Variants in NPAT observed in about 807,000 individuals in gnomAD.
The protein encoded by NPAT is nuclear protein, coactivator of histone transcription, also known as protein NPAT.
A neutral mutation model predicts 130.7 loss-of-function variants in NPAT; 52 were observed. That is an observed-to-expected ratio of 0.40 (90% CI 0.32 to 0.50). The LOEUF (loss-of-function observed/expected upper bound fraction) is 0.50. Among genes scored for constraint, NPAT ranks in the 20% least tolerant of loss-of-function variants. The pLI is 0.68. For synonymous variants in NPAT, 580 were observed against 584.8 expected (o/e 0.99, Z 0.12); for missense variants, 1,687 against 1,662.6 (o/e 1.01, Z -0.26).
At chr11:108,202,283 C>G (rs558029038) in intron 1 of NPAT, among the ~76,000 whole-genome samples, 32 of 152,122 alleles carry the variant, frequency 2.1e-4, no homozygotes, top group African/African-American at 7.7e-4. Flanking sequence ...TTGTAAAGGC[C>G]ACCAAAAGTG....
intron 11 of NPAT, 59 bp downstream of exon 11, chr11:108,176,935 G>T: frequency 9.0e-7 from 1 of 1,112,590 alleles, no homozygotes; most frequent in Admixed American, 1.7e-5. Context: ...CTCTGGTTAA[G>T]TTACCAAAGA....
At chr11:108,184,237 C>A (rs1018103052) in intron 10 of NPAT, among the ~76,000 whole-genome samples, 1 of 151,932 alleles carries the variant, frequency 6.6e-6, no homozygotes, top group African/African-American at 2.4e-5. Flanking sequence ...TTTGGGAAGC[C>A]GAGGCGGGCA....
intron 1 of NPAT, among the ~76,000 whole-genome samples, chr11:108,201,056 A>G (rs1362562684): frequency 6.6e-6 from 1 of 152,194 alleles, no homozygotes; most frequent in South Asian, 2.1e-4. Flanking sequence ...TGTAGATGAC[A>G]TTCTCCTTTG....
At position 108,170,134 on chromosome 11, in the gene NPAT, T is replaced by C. The variant is rs117582896; in HGVS notation, c.2786-91A>G. On this transcript the variant is annotated intron_variant, in intron 13 of 17. Transcript: ENST00000278612. ...GTTTGGCACAAATTAATTACTGCTT[T>C]GAAATAAATTCTATGAACAATCCCT... 74 of 802,168 alleles carry C rather than the reference T, an allele frequency of 9.2e-5. No individual in the cohort carries two copies. The East Asian group carries it at 1.9e-3, about 21-fold the overall frequency. 49.7% of individuals were successfully genotyped at this position (802,168 alleles called of 1,614,324 possible). A position where few individuals can be genotyped will look rare whatever the true frequency, so the allele number is the denominator to read the frequency against.
chr11:108,193,066 GT>G (rs962334622), intron 3 of NPAT, among the ~76,000 whole-genome samples: 8 of 152,142 alleles, frequency 5.3e-5, no homozygotes, highest in African/African-American at 1.9e-4. Flanking sequence ...CTTTTCCTTT[GT>G]TATCATCTTA....
chr11:108,202,649 AG>A (rs1199692569), intron 1 of NPAT, among the ~76,000 whole-genome samples: 4 of 152,186 alleles, frequency 2.6e-5, no homozygotes, highest in Admixed American at 1.3e-4. Flanking sequence ...ATGGTCAAAA[AG>A]GTCACTAATG....
At chr11:108,164,367 C>T (rs1281615603) in intron 15 of NPAT, among the ~76,000 whole-genome samples, 2 of 152,138 alleles carry the variant, frequency 1.3e-5, no homozygotes, top group Non-Finnish European at 2.9e-5. Context: ...GTTGAGATGG[C>T]TGGCTGGACA....
intron 1 of NPAT, among the ~76,000 whole-genome samples, chr11:108,205,091 C>T (rs528330658): frequency 1.3e-5 from 2 of 152,208 alleles, no homozygotes; most frequent in South Asian, 2.1e-4. Flanking sequence ...CAAACAAAAT[C>T]GTGAAAGCAG....
intron 3 of NPAT, 132 bp from the exon 4 acceptor site, chr11:108,192,322 T>C (rs1366621215): frequency 1.5e-5 from 11 of 717,034 alleles, no homozygotes; most frequent in South Asian, 5.9e-5. Flanking sequence ...AATAAATCTA[T>C]GTTGTAAAAT....
At chr11:108,162,863 G>A (rs1182512721) in intron 15 of NPAT, among the ~76,000 whole-genome samples, 7 of 152,062 alleles carry the variant, frequency 4.6e-5, no homozygotes, top group East Asian at 1.9e-4. Context: ...ATTCTGTCCC[G>A]GTACCTATCA....
At chr11:108,220,239 T>C (rs1347872266) in intron 1 of NPAT, among the ~76,000 whole-genome samples, 1 of 152,070 alleles carries the variant, frequency 6.6e-6, no homozygotes, top group Non-Finnish European at 1.5e-5. Flanking sequence ...AGTGGAGTAG[T>C]GAGATGCAAA....
chr11:108,203,885 C>A (rs776809974), intron 1 of NPAT, among the ~76,000 whole-genome samples: 2 of 152,186 alleles, frequency 1.3e-5, no homozygotes, highest in African/African-American at 2.4e-5. Flanking sequence ...TCTAGCTCCT[C>A]TTTGTATAAT....
intron 5 of NPAT, among the ~76,000 whole-genome samples, chr11:108,189,922 A>G (rs1341912243): frequency 6.6e-6 from 1 of 152,002 alleles, no homozygotes; most frequent in Admixed American, 6.6e-5. Flanking sequence ...AATGAGAATT[A>G]AAACATTCTA....
At chr11:108,190,542 G>A (rs750461180) in intron 4 of NPAT, 42 bp from the exon 5 acceptor site, 1 of 1,556,702 alleles carries the variant, frequency 6.4e-7, no homozygotes. Context: ...AAAAATGTTT[G>A]TTGCTGACAT....
chr11:108,179,280 C>T (rs1030486775), intron 10 of NPAT, among the ~76,000 whole-genome samples: 6 of 151,334 alleles, frequency 4.0e-5, no homozygotes, highest in Admixed American at 1.3e-4. Context: ...TCATATTATA[C>T]TTTTTTTTTG....
chr11:108,209,506 C>G (rs143821968), intron 1 of NPAT, among the ~76,000 whole-genome samples: 1 of 152,050 alleles, frequency 6.6e-6, no homozygotes, highest in East Asian at 1.9e-4. Flanking sequence ...GAACTATGAT[C>G]GCGCCACTGC....
rs549949163 is a variant in NPAT, at chr11:108,187,759, G to A, written c.638+339C>T. On this transcript the variant is annotated intron_variant, in intron 7 of 17. Coordinates refer to ENST00000278612, the MANE Select transcript of NPAT (RefSeq NM_002519.3). ...GATCTTAGGACTTTAAATGTGTGTG[G>A]AGCATAGAACATAACTGTATTATTT... Among the ~76,000 whole-genome samples the A allele has an allele frequency of 9.2e-5, 14 of 151,564 alleles. No homozygotes were observed. In the South Asian group the frequency reaches 2.7e-3, roughly 29 times the overall value.
At chr11:108,165,186 T>C (rs1197320045) in intron 15 of NPAT, among the ~76,000 whole-genome samples, 1 of 152,072 alleles carries the variant, frequency 6.6e-6, no homozygotes, top group Non-Finnish European at 1.5e-5. Flanking sequence ...TCTGGTGTTA[T>C]TTTGTGTATG....
At chr11:108,160,798 T>C (rs2077839097) in intron 17 of NPAT, 82 bp downstream of exon 17, 1 of 1,254,446 alleles carries the variant, frequency 8.0e-7, no homozygotes, top group Admixed American at 2.0e-5. Context: ...AGTCAAGTTG[T>C]TGTGGCAAGA....
Sources: allele counts gnomAD v4.1 joint callset (sites outside exome capture counted in the v4.1 genomes callset), GRCh38; gene constraint gnomAD v4.1.1; transcripts MANE v1.5; gene names NCBI Gene and HGNC (gene_info 2026-07-23, HGNC 2026-07-21).